The following COL13A1 variants were observed in gnomAD, a reference collection of about 807,000 sequenced individuals.
The protein encoded by COL13A1 is collagen alpha-1(XIII) chain.
COL13A1 carries 89 observed loss-of-function variants against 130.9 expected under a neutral mutation model. That is an observed-to-expected ratio of 0.68 (90% CI 0.57 to 0.81). COL13A1 has a LOEUF of 0.81. Among genes scored for constraint, COL13A1 ranks in the 30% least tolerant of loss-of-function variants. The pLI is 0.00. For missense variants in COL13A1, 879 were observed against 934.6 expected (o/e 0.94, Z 0.78); for synonymous variants, 402 against 341.6 (o/e 1.18, Z -1.95).
At chr10:69,942,227 T>C (rs2067738464) in intron 35 of COL13A1, among the ~76,000 whole-genome samples, 1 of 152,196 alleles carries the variant, frequency 6.6e-6, no homozygotes, top group Admixed American at 6.5e-5. Context: ...GGAGATGACA[T>C]GGCTTGCCCA....
intron 17 of COL13A1, among the ~76,000 whole-genome samples, chr10:69,911,212 A>G (rs1044380108): frequency 1.2e-4 from 19 of 152,202 alleles, no homozygotes; most frequent in Non-Finnish European, 2.4e-4. Flanking sequence ...CCCCTTCTCA[A>G]TGCTTCAGCC....
chr10:69,815,833 C>G lies in COL13A1; in HGVS notation c.295-6536C>G, dbSNP rs188257828. 5.3e-5 allele frequency among the ~76,000 whole-genome samples: 8 copies of G among 152,020 alleles called. No homozygotes were observed. The South Asian group carries it at 1.7e-3, about 32-fold the overall frequency. ...CAGAACAGAAAAAAGTATCCAGGTC[C>G]TTGTCGAACTTACATTCCAGTGCTA... On this transcript the variant is annotated intron_variant, in intron 1 of 40. Coordinates refer to ENST00000645393, the MANE Select transcript of COL13A1 (RefSeq NM_001368882.1).
At chr10:69,948,850 A>G (rs2068944675) in intron 38 of COL13A1, among the ~76,000 whole-genome samples, 1 of 152,256 alleles carries the variant, frequency 6.6e-6, no homozygotes, top group South Asian at 2.1e-4. Flanking sequence ...GGCGGCTCTG[A>G]TGCTGCAGCA....
At position 69,855,725 on chromosome 10, in the gene COL13A1, G is replaced by T. The variant is rs77097238; in HGVS notation, c.365-12073G>T. ...CTAACTCACCTGGCATCCTGGGGCC[G>T]GGGACTTATGTGGGGCTTGTCTTCA... On this transcript the variant is annotated intron_variant, in intron 2 of 40. Coordinates refer to ENST00000645393, the MANE Select transcript of COL13A1 (RefSeq NM_001368882.1). 2.9e-4 allele frequency among the ~76,000 whole-genome samples: 40 copies of T among 136,236 alleles called. 2 individuals carry two copies. The East Asian group carries it at 8.9e-3, about 30-fold the overall frequency. The allele number at this position is 136,236 out of a possible 152,430, so 89.4% of individuals were successfully genotyped here. A position where few individuals can be genotyped will look rare whatever the true frequency, so the allele number is the denominator to read the frequency against.
chr10:69,847,244 G>T (rs1414808041), intron 2 of COL13A1, among the ~76,000 whole-genome samples: 1 of 152,168 alleles, frequency 6.6e-6, no homozygotes, highest in Non-Finnish European at 1.5e-5. Flanking sequence ...GTGAAATGAT[G>T]TGTCTGTGTA....
intron 27 of COL13A1, 71 bp downstream of exon 27, chr10:69,927,181 G>A (rs2065483155): frequency 4.4e-6 from 7 of 1,603,618 alleles, no homozygotes; most frequent in Non-Finnish European, 6.0e-6. Flanking sequence ...CTGGAAGCAA[G>A]GATTTGATTT....
chr10:69,937,895 A>AG (rs1029627274), intron 34 of COL13A1, among the ~76,000 whole-genome samples, 180 bp downstream of exon 34: 18 of 152,170 alleles, frequency 1.2e-4, no homozygotes, highest in Non-Finnish European at 2.6e-4. Flanking sequence ...CTCTGGGCCC[A>AG]GGCCCCACCT....
chr10:69,908,649 C>T (rs540641426), intron 17 of COL13A1, among the ~76,000 whole-genome samples: 220 of 152,222 alleles, frequency 1.4e-3, no homozygotes, highest in African/African-American at 4.6e-3. Context: ...GGTGTCCTGA[C>T]GCTAGAGGGC....
intron 2 of COL13A1, among the ~76,000 whole-genome samples, chr10:69,858,759 A>T (rs1481658472): frequency 6.6e-6 from 1 of 152,192 alleles, no homozygotes; most frequent in Non-Finnish European, 1.5e-5. Flanking sequence ...CAGCAGTCTA[A>T]CCATCTCCCC....
At chr10:69,875,325 G>T (rs1183322783) in intron 5 of COL13A1, among the ~76,000 whole-genome samples, 162 bp downstream of exon 5, 1 of 152,218 alleles carries the variant, frequency 6.6e-6, no homozygotes, top group Admixed American at 6.5e-5. Context: ...GGAGAAGAAA[G>T]GAGAAGGGAA....
At chr10:69,824,711 C>T (rs1847063356) in intron 2 of COL13A1, among the ~76,000 whole-genome samples, 1 of 152,122 alleles carries the variant, frequency 6.6e-6, no homozygotes, top group East Asian at 1.9e-4. Flanking sequence ...GCTGAGTTGG[C>T]CAGGCATAGA....
chr10:69,806,650 T>C (rs1327813896), intron 1 of COL13A1, among the ~76,000 whole-genome samples: 1 of 152,008 alleles, frequency 6.6e-6, no homozygotes, highest in Non-Finnish European at 1.5e-5. Flanking sequence ...ATGGAGAAAA[T>C]CAGATGACAC....
At chr10:69,924,459 A>G (rs545845021) in intron 24 of COL13A1, among the ~76,000 whole-genome samples, 139 of 152,096 alleles carry the variant, frequency 9.1e-4, no homozygotes, top group African/African-American at 2.8e-3. Flanking sequence ...GTGGGTGCTC[A>G]TACACCCATG....
Position 69,958,832 on chromosome 10 carries a change from G to A in COL13A1, c.*131G>A. On this transcript the variant is annotated 3_prime_UTR_variant, in exon 41 of 41. Coordinates refer to ENST00000645393, the MANE Select transcript of COL13A1 (RefSeq NM_001368882.1). The stretch of plus-strand genomic sequence containing the variant: ...ATTATTAAAAAAGAAAGAAAAACCT[G>A]CATATTTTGTACAGAAAATATCAAC... 1.6e-6 allele frequency: 2 copies of A among 1,273,576 alleles called. No individual in the cohort carries two copies. Among genetic ancestry groups the A allele is most frequent in the African/African-American group, 1.5e-5 (1 of 66,390 alleles). 78.9% of individuals were successfully genotyped at this position (1,273,576 alleles called of 1,614,324 possible). A position where few individuals can be genotyped will look rare whatever the true frequency, so the allele number is the denominator to read the frequency against.
intron 32 of COL13A1, among the ~76,000 whole-genome samples, chr10:69,935,775 T>C (rs1253606781): frequency 1.3e-5 from 2 of 152,088 alleles, no homozygotes; most frequent in Non-Finnish European, 2.9e-5. Context: ...TCTGGGAGGC[T>C]GAGGCAGGTG....
chr10:69,823,819 A>G (rs1041483954), intron 2 of COL13A1, among the ~76,000 whole-genome samples: 2 of 152,088 alleles, frequency 1.3e-5, no homozygotes, highest in Non-Finnish European at 1.5e-5. Flanking sequence ...GGCCCAGAAG[A>G]TAGGGCCCGG....
chr10:69,950,851 T>C (rs536365455), intron 38 of COL13A1, among the ~76,000 whole-genome samples: 1 of 151,986 alleles, frequency 6.6e-6, no homozygotes, highest in South Asian at 2.1e-4. Context: ...ATTATTTTGT[T>C]TGTTTGTTTG....
chr10:69,845,185 TTTTC>T (rs1162009807), intron 2 of COL13A1, among the ~76,000 whole-genome samples: 2 of 88,934 alleles, frequency 2.2e-5, no homozygotes, highest in Non-Finnish European at 4.8e-5. Flanking sequence ...TTTTCTTTTC[TTTTC>T]TTTTTCTTTT....
intron 7 of COL13A1, among the ~76,000 whole-genome samples, chr10:69,887,025 C>T (rs71480616): frequency 0.11 from 16,078 of 152,174 alleles, 901 homozygotes; most frequent in Middle Eastern, 0.25. Context: ...TTCTGATATC[C>T]AAGCCATCCT....
Sources: gnomAD v4.1 joint callset for allele counts (sites outside exome capture counted in the v4.1 genomes callset) on GRCh38, gnomAD v4.1.1 for gene constraint, MANE v1.5 for transcripts, NCBI Gene and HGNC (gene_info 2026-07-23, HGNC 2026-07-21) for gene names.